Variants in ZNF44 observed in about 807,000 individuals in gnomAD.
ZNF44 encodes the protein gonadotropin inducible transcription repressor-2.
ZNF44 carries 9 observed loss-of-function variants against 11.7 expected under a neutral mutation model. The ratio of observed to expected loss-of-function variants is 0.77; its 90% CI spans 0.46 to 1.35. ZNF44 has a LOEUF of 1.35. Ranked by LOEUF, ZNF44 falls within the 40% of genes most tolerant of loss-of-function variation. The pLI, the probability that ZNF44 is intolerant of heterozygous loss-of-function variation, is 0.00. For missense variants in ZNF44, 696 were observed against 743.1 expected, an observed-to-expected ratio of 0.94 and a Z score of 0.74; for synonymous variants, 224 against 242.7, an observed-to-expected ratio of 0.92 and a Z score of 0.72.
chr19:12,260,436 G>A (rs1917460042), intron 5 of ZNF44: 10 of 1,433,494 alleles, frequency 7.0e-6, no homozygotes, highest in East Asian at 4.7e-5. Flanking sequence ...GTACCGCCCC[G>A]ACCTGCGCAT....
chr19:12,284,953 C>T lies in ZNF44; in HGVS notation c.4-8871G>A. The T allele has an allele frequency of 5.5e-6, 4 of 731,164 alleles. No individual in the cohort carries two copies. In the South Asian group the frequency reaches 5.8e-5, roughly 11 times the overall value. The allele number at this position is 731,164 out of a possible 1,614,324, so 45.3% of individuals were successfully genotyped here. On this transcript the variant is annotated intron_variant, in intron 1 of 3. Coordinates refer to ENST00000355684, the MANE Select transcript of ZNF44 (RefSeq NM_016264.4). ...GTGCCCAAGAAGCTGCTCATGATGG[C>T]TGGTATCAGTGACTGATACACCTCA...
chr19:12,246,570 CTT>C (rs1916772703), downstream of ZNF44, among the ~76,000 whole-genome samples: 1 of 152,078 alleles, frequency 6.6e-6, no homozygotes, highest in South Asian at 2.1e-4. Flanking sequence ...TATTAACTGA[CTT>C]AAGGAATTTT....
intron 5 of ZNF44, among the ~76,000 whole-genome samples, chr19:12,252,043 C>T (rs1348731162): frequency 3.4e-5 from 5 of 146,456 alleles, no homozygotes. Context: ...AAGAGTGAAA[C>T]TCCATCTCAA....
At chr19:12,283,329 A>C (rs994745441) in intron 1 of ZNF44, among the ~76,000 whole-genome samples, 6 of 152,062 alleles carry the variant, frequency 3.9e-5, no homozygotes, top group African/African-American at 1.2e-4. Context: ...AAATTACAGA[A>C]ATTTTTTTTT....
intron 3 of ZNF44, among the ~76,000 whole-genome samples, chr19:12,228,562 TATAAAATTTTTCATGCCTTTCACAG>T (rs1229776748): frequency 1.3e-5 from 2 of 152,234 alleles, no homozygotes; most frequent in Admixed American, 6.5e-5. Context: ...AAATTCCATT[TATAAAATTTTTCATGCCTTTCACAG>T]TCTGACATGC....
At chr19:12,227,201 C>G (rs1313769790) in intron 3 of ZNF44, among the ~76,000 whole-genome samples, 1 of 152,212 alleles carries the variant, frequency 6.6e-6, no homozygotes, top group Non-Finnish European at 1.5e-5. Context: ...TCACAATTTT[C>G]AGAAACTTGC....
chr19:12,247,486 T>C (rs933657945), downstream of ZNF44: 29 of 1,341,730 alleles, frequency 2.2e-5, no homozygotes, highest in African/African-American at 3.0e-5. Flanking sequence ...TGAATATAAC[T>C]GGAACTACTG....
chr19:12,226,961 G>C (rs1915944716), intron 3 of ZNF44, among the ~76,000 whole-genome samples: 1 of 152,056 alleles, frequency 6.6e-6, no homozygotes, highest in Non-Finnish European at 1.5e-5. Flanking sequence ...AGCTACTTGG[G>C]AAGCTGACAC....
chr19:12,263,392 T>C (rs888616970), intron 5 of ZNF44, among the ~76,000 whole-genome samples: 3 of 151,852 alleles, frequency 2.0e-5, no homozygotes, highest in Non-Finnish European at 4.4e-5. Flanking sequence ...GGCTTCAAAT[T>C]CATCAATCTT....
chr19:12,284,760 G>A (rs957783593), intron 1 of ZNF44: 9 of 852,524 alleles, frequency 1.1e-5, no homozygotes, highest in African/African-American at 3.3e-5. Flanking sequence ...TGCCATCCGC[G>A]GGGCCATCAT....
At chr19:12,270,434 A>G, downstream of ZNF44, among the ~76,000 whole-genome samples, 1 of 151,710 alleles carries the variant, frequency 6.6e-6, no homozygotes, top group Non-Finnish European at 1.5e-5. Context: ...AGATTAAGGC[A>G]ATTTACACCC....
upstream of ZNF44, among the ~76,000 whole-genome samples, chr19:12,242,423 T>A (rs1224263610): frequency 1.3e-5 from 2 of 150,238 alleles, no homozygotes; most frequent in Admixed American, 6.6e-5. Flanking sequence ...GGCAGGAGAA[T>A]AGCGTGAACC....
At chr19:12,261,823 T>A (rs1917521466) in intron 5 of ZNF44, among the ~76,000 whole-genome samples, 1 of 152,182 alleles carries the variant, frequency 6.6e-6, no homozygotes, top group Non-Finnish European at 1.5e-5. Flanking sequence ...TAGCAGTAAG[T>A]TTTCTCAACC....
chr19:12,250,073 TA>T (rs1916929974), intron 6 of ZNF44: 1 of 1,260,490 alleles, frequency 7.9e-7, no homozygotes, highest in African/African-American at 1.6e-5. Context: ...TATCATAAAT[TA>T]TTAGAAATTA....
At chr19:12,265,697 A>G (rs937896397) in intron 5 of ZNF44, among the ~76,000 whole-genome samples, 10 of 152,192 alleles carry the variant, frequency 6.6e-5, no homozygotes, top group Non-Finnish European at 1.2e-4. Flanking sequence ...ATTTCATACA[A>G]CTAACTTCCA....
upstream of ZNF44, among the ~76,000 whole-genome samples, chr19:12,239,098 T>C (rs1331063766): frequency 6.6e-6 from 1 of 152,074 alleles, no homozygotes; most frequent in Non-Finnish European, 1.5e-5. Context: ...CCCAAACAAG[T>C]CTTTCTCTAA....
chr19:12,284,008 G>T (rs568081326), intron 1 of ZNF44, among the ~76,000 whole-genome samples: 15 of 152,214 alleles, frequency 9.9e-5, no homozygotes, highest in African/African-American at 3.4e-4. Flanking sequence ...AATTTAGGAA[G>T]AGTTCATCTA....
At chr19:12,277,315 T>C (rs897771930) in intron 1 of ZNF44, among the ~76,000 whole-genome samples, 7 of 152,102 alleles carry the variant, frequency 4.6e-5, no homozygotes, top group African/African-American at 1.4e-4. Context: ...ACCAACTAAA[T>C]AGAAAAAATT....
downstream of ZNF44, among the ~76,000 whole-genome samples, chr19:12,268,514 C>A (rs530079004): frequency 2.0e-5 from 3 of 152,126 alleles, no homozygotes; most frequent in Non-Finnish European, 4.4e-5. Flanking sequence ...CATTTCATTC[C>A]ACATGATTGC....
Sources: gnomAD v4.1 joint callset for allele counts (sites outside exome capture counted in the v4.1 genomes callset) on GRCh38, gnomAD v4.1.1 for gene constraint, MANE v1.5 for transcripts, NCBI Gene and HGNC (gene_info 2026-07-23, HGNC 2026-07-21) for gene names.